Variants in NCBP1 observed in about 807,000 individuals in gnomAD.
NCBP1 encodes nuclear cap-binding protein subunit 1.
A neutral mutation model predicts 111.7 loss-of-function variants in NCBP1; 16 were observed. That is an observed-to-expected ratio of 0.14 (90% CI 0.10 to 0.22). The LOEUF (loss-of-function observed/expected upper bound fraction) is 0.22. Ranked by LOEUF, NCBP1 falls within the 10% of genes least tolerant of loss-of-function variation. The pLI, the probability that NCBP1 is intolerant of heterozygous loss-of-function variation, is 1.00. For missense variants in NCBP1, 607 were observed against 957.5 expected, an observed-to-expected ratio of 0.63 and a Z score of 4.83; for synonymous variants, 304 against 314.3, an observed-to-expected ratio of 0.97 and a Z score of 0.35.
intron 19 of NCBP1, among the ~76,000 whole-genome samples, chr9:97,665,904 T>TA (rs1250138466): frequency 2.0e-5 from 3 of 152,190 alleles, no homozygotes; most frequent in African/African-American, 7.2e-5. Flanking sequence ...CCTGTATTCT[T>TA]ACAATAAATC....
chr9:97,652,807 A>G (rs900321172), intron 10 of NCBP1, among the ~76,000 whole-genome samples: 4 of 152,242 alleles, frequency 2.6e-5, no homozygotes, highest in Non-Finnish European at 5.9e-5. Flanking sequence ...GATATACTTA[A>G]TGCTGTGAAC....
chr9:97,663,172 A>G (rs1827889272), intron 18 of NCBP1, 125 bp downstream of exon 18: 1 of 708,414 alleles, frequency 1.4e-6, no homozygotes. Context: ...TGGTTTTTAG[A>G]TCTAATTCTT....
In NCBP1 at chr9:97,633,866, C is replaced by T. The variant is rs1448283574; in HGVS notation, c.-16C>T. 6.3e-7 allele frequency: 1 copy of T among 1,582,300 alleles called. No individual in the cohort carries two copies. On this transcript the variant is annotated 5_prime_UTR_variant, in exon 1 of 23. Coordinates refer to ENST00000375147, the MANE Select transcript of NCBP1 (RefSeq NM_002486.5). ...ACCGCCTGGCCTCTCGGTTCCGCGG[C>T]GCACCGGAGGGCAGCATGTCGCGGC...
intron 1 of NCBP1, chr9:97,635,717 C>T (rs1176628633): frequency 6.6e-6 from 1 of 152,080 alleles, no homozygotes; most frequent in East Asian, 1.9e-4. Context: ...CTACTGCGCC[C>T]GCCGATAATA....
At chr9:97,650,643 C>A in intron 9 of NCBP1, 43 bp downstream of exon 9, 1 of 1,540,876 alleles carries the variant, frequency 6.5e-7, no homozygotes, top group Non-Finnish European at 8.9e-7. Context: ...AGAGAAGCAG[C>A]AATTTTGATA....
chr9:97,640,947 AT>A lies in NCBP1; in HGVS notation c.123+70del, dbSNP rs200045684. The A allele has an allele frequency of 1.5e-3, 1,913 of 1,245,320 alleles. 8 individuals are homozygous for A. The highest frequency in any genetic ancestry group is 0.012 in the African/African-American group (760 of 64,186). The allele number at this position is 1,245,320 out of a possible 1,614,324, so 77.1% of individuals were successfully genotyped here. A position where few individuals can be genotyped will look rare whatever the true frequency, so the allele number is the denominator to read the frequency against. On this transcript the variant is annotated intron_variant, in intron 2 of 22. Transcript: ENST00000375147. ...AATGTGGTTAACTGTGCTTTGATTA[AT>A]TTTTGCAGCTGAAAAGTTGGACTAC... is the stretch of plus-strand genomic sequence containing the variant.
rs375392528 is a variant in NCBP1, at chr9:97,663,629, C to T, written c.1797+582C>T. 4.3e-4 allele frequency among the ~76,000 whole-genome samples: 65 copies of T among 151,914 alleles called. 1 individual carries two copies. The highest frequency in any genetic ancestry group is 1.4e-3 in the African/African-American group (58 of 41,482). On this transcript the variant is annotated intron_variant, in intron 18 of 22. Transcript: ENST00000375147. ...CCTCCCGAGTAGCTGGGATTACAGG[C>T]GTCCACCACCACACCTGGCTGATTT...
At chr9:97,642,992 C>A (rs1394258618) in intron 3 of NCBP1, among the ~76,000 whole-genome samples, 1 of 152,122 alleles carries the variant, frequency 6.6e-6, no homozygotes, top group South Asian at 2.1e-4. Context: ...ACTTTCTTAA[C>A]TCTTAGATTA....
In NCBP1 at chr9:97,672,071, T is replaced by A. The variant is rs763954719; in HGVS notation, c.*872T>A. 1.3e-5 allele frequency: 2 copies of A among 152,224 alleles called. No homozygotes were observed. The highest frequency in any genetic ancestry group is 2.9e-5 in the Non-Finnish European group (2 of 68,046). The allele number at this position is 152,224 out of a possible 1,614,324, so 9.4% of individuals were successfully genotyped here. On this transcript the variant is annotated 3_prime_UTR_variant, in exon 23 of 23. Coordinates refer to ENST00000375147, the MANE Select transcript of NCBP1 (RefSeq NM_002486.5). The stretch of plus-strand genomic sequence containing the variant: ...CCCTGAATTAGATGTGAGTTTAGAT[T>A]TTGTTTATATGGAACCTGATCCAAA...
chr9:97,656,015 G>C lies in NCBP1; in HGVS notation c.1303G>C (p.Asp435His). ...AAAACTACATTTCCTCCTTAGGTCA[G>C]ATTGTCTTAGTCAAGATCCTGAAAG... is the stretch of plus-strand genomic sequence containing the variant. ...QFRWSWEDWS[D>H]CLSQDPESPK... The change falls in exon 14 of 23, where the codon GAT becomes CAT. Residue 435 changes from aspartate to histidine, a missense_variant. Physicochemically the swap from Asp to His is moderately conservative, Grantham distance 81. This residue lies in a region of NCBP1 where 282 missense variants were observed against 376.5 expected (regional missense o/e 0.75). Coordinates refer to ENST00000375147, the MANE Select transcript of NCBP1 (RefSeq NM_002486.5). The C allele has an allele frequency of 6.2e-7, 1 of 1,613,518 alleles. No individual in the cohort carries two copies. Among genetic ancestry groups the C allele is most frequent in the Non-Finnish European group, 8.5e-7 (1 of 1,179,494 alleles).
At chr9:97,647,618 T>C in intron 7 of NCBP1, 57 bp downstream of exon 7, 1 of 1,395,372 alleles carries the variant, frequency 7.2e-7, no homozygotes, top group Non-Finnish European at 1.0e-6. Flanking sequence ...AATAGATTCT[T>C]ATCTCTGTAA....
intron 19 of NCBP1, among the ~76,000 whole-genome samples, chr9:97,664,785 A>G (rs1827944456): frequency 6.6e-6 from 1 of 152,202 alleles, no homozygotes; most frequent in Non-Finnish European, 1.5e-5. Context: ...GAAGGGTTCC[A>G]GCTTCAGTGG....
In NCBP1 at chr9:97,650,614, C is replaced by T. The variant is rs1286860912; in HGVS notation, c.995+14C>T. The stretch of plus-strand genomic sequence containing the variant: ...AAGGAAGACTTGGTAAGATTCTTTT[C>T]ATGGTACTTTTAGAAGGGAGAGAAG... On this transcript the variant is annotated intron_variant, in intron 9 of 22. Transcript: ENST00000375147. The T allele has an allele frequency of 1.1e-5, 17 of 1,603,624 alleles. No individual in the cohort carries two copies. The highest frequency in any genetic ancestry group is 1.3e-5 in the Non-Finnish European group (15 of 1,171,798).
At chr9:97,667,279 A>G (rs1019165676) in intron 20 of NCBP1, among the ~76,000 whole-genome samples, 2 of 152,176 alleles carry the variant, frequency 1.3e-5, no homozygotes, top group Non-Finnish European at 1.5e-5. Context: ...AGTCATTCCC[A>G]AGTTAACGGA....
intron 22 of NCBP1, among the ~76,000 whole-genome samples, chr9:97,670,472 C>T (rs80145693): frequency 3.8e-4 from 58 of 152,266 alleles, no homozygotes; most frequent in African/African-American, 1.0e-3. Context: ...ATTGTATCTT[C>T]GGACACTACT....
chr9:97,662,679 C>T (rs757621994), intron 17 of NCBP1, among the ~76,000 whole-genome samples: 6 of 152,112 alleles, frequency 3.9e-5, no homozygotes, highest in Non-Finnish European at 5.9e-5. Context: ...AATATTTCAC[C>T]ATGTTTGAAG....
At chr9:97,662,007 T>TA (rs1422048370) in intron 16 of NCBP1, 35 bp from the exon 17 acceptor site, 4 of 1,500,758 alleles carry the variant, frequency 2.7e-6, no homozygotes, top group South Asian at 2.3e-5. Context: ...TTGCTGTGCT[T>TA]ACATTTTTCT....
chr9:97,637,560 A>T (rs1333705779), intron 1 of NCBP1, among the ~76,000 whole-genome samples: 1 of 152,198 alleles, frequency 6.6e-6, no homozygotes, highest in Admixed American at 6.5e-5. Context: ...TTACTTAACT[A>T]AAGAAAAAAA....
At chr9:97,638,834 C>G (rs1827123876) in intron 1 of NCBP1, among the ~76,000 whole-genome samples, 1 of 152,114 alleles carries the variant, frequency 6.6e-6, no homozygotes, top group South Asian at 2.1e-4. Context: ...AAAATGTCTC[C>G]AAGGTTTGCC....
Sources: allele counts gnomAD v4.1 joint callset (sites outside exome capture counted in the v4.1 genomes callset), GRCh38; gene constraint gnomAD v4.1.1; regional missense constraint gnomAD v4.1.1; transcripts MANE v1.5; gene names NCBI Gene and HGNC (gene_info 2026-07-23, HGNC 2026-07-21).